Variants in SLC10A7 observed in about 807,000 individuals in gnomAD.
SLC10A7 encodes the protein solute carrier family 10 member 7.
SLC10A7 carries 29 observed loss-of-function variants against 43.2 expected under a neutral mutation model. That is an observed-to-expected ratio of 0.67 (90% CI 0.50 to 0.92). The LOEUF is 0.92. Ranked by LOEUF, SLC10A7 falls within the 40% of genes least tolerant of loss-of-function variation. The pLI, the probability that SLC10A7 is intolerant of heterozygous loss-of-function variation, is 0.00. For synonymous variants in SLC10A7, 152 were observed against 144.8 expected, an observed-to-expected ratio of 1.05 and a Z score of -0.35; for missense variants, 295 against 403.2, an observed-to-expected ratio of 0.73 and a Z score of 2.30.
intron 4 of SLC10A7, among the ~76,000 whole-genome samples, chr4:146,452,991 T>A (rs532257864): frequency 1.5e-3 from 232 of 149,758 alleles, no homozygotes; most frequent in African/African-American, 5.2e-3. Context: ...GTATGTATAC[T>A]ATATACAGAT....
intron 5 of SLC10A7, among the ~76,000 whole-genome samples, chr4:146,373,330 C>T (rs1438618780): frequency 9.2e-5 from 14 of 151,878 alleles, no homozygotes; most frequent in Admixed American, 9.2e-4. Context: ...AAAAATTAGC[C>T]AGGCCTGGTG....
intron 7 of SLC10A7, among the ~76,000 whole-genome samples, chr4:146,305,264 T>C (rs1285229568): frequency 6.6e-6 from 1 of 151,490 alleles, no homozygotes; most frequent in Non-Finnish European, 1.5e-5. Context: ...GATGAGTTCA[T>C]GTCCTTTGTA....
rs112918694 is a variant in SLC10A7, at chr4:146,410,501, C to T, written c.435+32282G>A. Among the ~76,000 whole-genome samples, 1,051 of 152,230 alleles carry T rather than the reference C, an allele frequency of 6.9e-3. 6 individuals are homozygous for T. The highest frequency in any genetic ancestry group is 0.031 in the Middle Eastern group (9 of 294). On this transcript the variant is annotated intron_variant, in intron 5 of 11. Coordinates refer to ENST00000335472, the MANE Select transcript of SLC10A7 (RefSeq NM_001029998.6). ...GACTTCCTACAATGAGCCAGGCCGA[C>T]TGTTTTAAATTTAATATCACAAAGA...
chr4:146,348,929 A>G (rs937527393), intron 5 of SLC10A7, among the ~76,000 whole-genome samples: 7 of 152,218 alleles, frequency 4.6e-5, no homozygotes, highest in African/African-American at 1.7e-4. Flanking sequence ...ATATTTAAAA[A>G]TCAATGCTGA....
chr4:146,442,250 T>G (rs1477213155), intron 5 of SLC10A7: 1 of 940,704 alleles, frequency 1.1e-6, no homozygotes, highest in South Asian at 4.9e-5. Flanking sequence ...TATATATATA[T>G]ATATAGATAC....
chr4:146,352,709 A>C (rs1735220973), intron 5 of SLC10A7, among the ~76,000 whole-genome samples: 1 of 106,560 alleles, frequency 9.4e-6, no homozygotes, highest in Admixed American at 9.9e-5. Context: ...GTGCAATCAA[A>C]CTAGAACTCA....
chr4:146,409,666 A>G (rs1490170229), intron 5 of SLC10A7, among the ~76,000 whole-genome samples: 1 of 152,208 alleles, frequency 6.6e-6, no homozygotes, highest in Non-Finnish European at 1.5e-5. Flanking sequence ...CTGTGAACTG[A>G]TAAGAACCAA....
At chr4:146,337,089 T>C (rs1733942039) in intron 5 of SLC10A7, among the ~76,000 whole-genome samples, 1 of 152,046 alleles carries the variant, frequency 6.6e-6, no homozygotes, top group Non-Finnish European at 1.5e-5. Flanking sequence ...GTGGGAACTT[T>C]CTATCATTTT....
chr4:146,500,611 C>G (rs867467383), intron 4 of SLC10A7, among the ~76,000 whole-genome samples: 6 of 152,132 alleles, frequency 3.9e-5, no homozygotes, highest in Non-Finnish European at 8.8e-5. Flanking sequence ...TCTCTTACAT[C>G]AATAGTTTCC....
intron 5 of SLC10A7, among the ~76,000 whole-genome samples, chr4:146,359,420 G>A (rs1163410069): frequency 2.0e-5 from 3 of 151,956 alleles, no homozygotes; most frequent in Non-Finnish European, 2.9e-5. Flanking sequence ...TTCATATATA[G>A]TTACGTTTTT....
At chr4:146,307,496 T>A (rs562114996) in intron 6 of SLC10A7, among the ~76,000 whole-genome samples, 10 of 152,264 alleles carry the variant, frequency 6.6e-5, no homozygotes, top group East Asian at 5.8e-4. Flanking sequence ...AGCAACTATG[T>A]CTCTGCAGCA....
chr4:146,459,065 A>C (rs2149931413), intron 4 of SLC10A7, among the ~76,000 whole-genome samples: 1 of 151,998 alleles, frequency 6.6e-6, no homozygotes, highest in South Asian at 2.1e-4. Flanking sequence ...TATACAAGGA[A>C]GGAATAATTT....
chr4:146,514,380 C>T (rs1367164424), intron 2 of SLC10A7: 1 of 152,136 alleles, frequency 6.6e-6, no homozygotes, highest in Admixed American at 6.5e-5. Flanking sequence ...CCACAGTCGG[C>T]TAAGTGACAA....
At chr4:146,380,913 C>A (rs1160896618) in intron 5 of SLC10A7, among the ~76,000 whole-genome samples, 2 of 152,050 alleles carry the variant, frequency 1.3e-5, no homozygotes, top group Non-Finnish European at 2.9e-5. Flanking sequence ...TAGATATACA[C>A]CTAAGCATTT....
chr4:146,258,973 G>C (rs1728051326), intron 10 of SLC10A7, 136 bp from the exon 11 acceptor site: 1 of 982,844 alleles, frequency 1.0e-6, no homozygotes, highest in Non-Finnish European at 1.5e-6. Context: ...ACTGAAATGG[G>C]AAAGTCTGAA....
Position 146,256,612 on chromosome 4 carries a change from G to A in SLC10A7, c.994-92C>T. On this transcript the variant is annotated intron_variant, in intron 11 of 11. Coordinates refer to ENST00000335472, the MANE Select transcript of SLC10A7 (RefSeq NM_001029998.6). Reference sequence around the variant, plus strand: ...CACCAGATAATTTATGCTATTAGAAGGAAGAAGAGGCCCACCCAGATGGCA... The same window carrying A: ...CACCAGATAATTTATGCTATTAGAAAGAAGAAGAGGCCCACCCAGATGGCA... 3 of 1,399,544 alleles carry A rather than the reference G, an allele frequency of 2.1e-6. No homozygotes were observed. The Admixed American group carries it at 5.1e-5, about 24-fold the overall frequency. The allele number at this position is 1,399,544 out of a possible 1,614,324, so 86.7% of individuals were successfully genotyped here.
At chr4:146,506,373 C>T (rs1320936880) in intron 3 of SLC10A7, among the ~76,000 whole-genome samples, 2 of 152,172 alleles carry the variant, frequency 1.3e-5, no homozygotes, top group Non-Finnish European at 2.9e-5. Context: ...TTCAAGGAGG[C>T]AGAAGAGTCA....
intron 7 of SLC10A7, among the ~76,000 whole-genome samples, chr4:146,299,132 C>T (rs1428349785): frequency 1.3e-5 from 2 of 152,076 alleles, no homozygotes; most frequent in South Asian, 2.1e-4. Flanking sequence ...TCTGTTTAAC[C>T]AGTAATGATA....
chr4:146,511,437 C>T (rs1301557640), intron 2 of SLC10A7, among the ~76,000 whole-genome samples: 5 of 152,192 alleles, frequency 3.3e-5, no homozygotes, highest in Non-Finnish European at 7.3e-5. Context: ...ACTGCAATGG[C>T]CCCTTTGTTC....
Sources: gnomAD v4.1 joint callset for allele counts (sites outside exome capture counted in the v4.1 genomes callset) on GRCh38, gnomAD v4.1.1 for gene constraint, MANE v1.5 for transcripts, NCBI Gene and HGNC (gene_info 2026-07-23, HGNC 2026-07-21) for gene names.